The following PDCL3 variants were observed in gnomAD, a reference collection of about 807,000 sequenced individuals.
PDCL3 encodes phosducin-like protein 3.
Under a neutral mutation model 26.5 loss-of-function variants are expected in PDCL3, and 22 were observed. The observed-to-expected ratio is 0.83, with a 90% confidence interval of 0.59 to 1.19. The LOEUF is 1.19. PDCL3 is among the 50% of genes most tolerant of loss of function. The pLI, the probability that PDCL3 is intolerant of heterozygous loss-of-function variation, is 0.00. For synonymous variants in PDCL3, 81 were observed against 104.9 expected (o/e 0.77, Z 1.39); for missense variants, 246 against 294.1 (o/e 0.84, Z 1.20).
chr2:100,572,467 C>T (rs1675196604), intron 5 of PDCL3, among the ~76,000 whole-genome samples: 1 of 152,092 alleles, frequency 6.6e-6, no homozygotes. Flanking sequence ...CCACTTCAGC[C>T]TCCCAAAGTG....
chr2:100,566,640 T>C lies in PDCL3; in HGVS notation c.133+11T>C, dbSNP rs756506972. On this transcript the variant is annotated intron_variant, in intron 2 of 5. Coordinates refer to ENST00000264254, the MANE Select transcript of PDCL3 (RefSeq NM_024065.5). ...TCCAGCAGTCAGTGGGTGAGTTCACTCGCTTTCCTCTGCACCTGTCTGGGT... is the reference window on the plus strand; with the variant it reads ...TCCAGCAGTCAGTGGGTGAGTTCACCCGCTTTCCTCTGCACCTGTCTGGGT... The C allele has an allele frequency of 5.0e-5, 81 of 1,613,500 alleles. No homozygotes were observed. The highest frequency in any genetic ancestry group is 6.6e-5 in the Non-Finnish European group (78 of 1,179,754).
At chr2:100,568,568 G>A (rs113051388) in intron 2 of PDCL3, among the ~76,000 whole-genome samples, 2,331 of 152,256 alleles carry the variant, frequency 0.015, 50 homozygotes, top group African/African-American at 0.052. Flanking sequence ...GGAGGCGGAG[G>A]TTCTCAGTGA....
intron 2 of PDCL3, among the ~76,000 whole-genome samples, chr2:100,567,356 A>G (rs373642820): frequency 2.0e-5 from 3 of 152,306 alleles, no homozygotes; most frequent in African/African-American, 4.8e-5. Flanking sequence ...TTAGCTATGC[A>G]TAAGCCAGAG....
chr2:100,571,632 T>C lies in PDCL3; in HGVS notation c.411T>C (p.Leu137=). Residue 137 remains leucine, a synonymous_variant, in exon 5 of 6, where the codon CTT becomes CTC. Coordinates refer to ENST00000264254, the MANE Select transcript of PDCL3 (RefSeq NM_024065.5). ...CALINQHLSG[L]ARKFPDVKFI... is the part of the protein sequence containing the mutation. The stretch of plus-strand genomic sequence containing the variant: ...TGATAAATCAGCACCTCAGTGGACT[T>C]GCCAGGAAGTTTCCTGATGTCAAAT... 6.2e-7 allele frequency: 1 copy of C among 1,613,216 alleles called. No homozygotes were observed. The highest frequency in any genetic ancestry group is 1.1e-5 in the South Asian group (1 of 91,078).
rs1406596457 is a variant in PDCL3, at chr2:100,568,946, A to T, written c.149A>T (p.Asp50Val). The T allele has an allele frequency of 6.2e-7, 1 of 1,613,934 alleles. No individual in the cohort carries two copies. ...CCAAATTCAGTGAAAACATATGAAG[A>T]TATGACTTTGGAAGAGCTGGAGGAT... ...LQQSVVKTYE[D>V]MTLEELEDHE... Residue 50 changes from aspartate (D) to valine (V), a missense_variant, in exon 3 of 6, where the codon GAT (aspartate) becomes GTT (valine). By Grantham distance (152) the Asp-to-Val change is radical. Transcript: ENST00000264254.
At chr2:100,563,314 T>C (rs981495647) in intron 1 of PDCL3, 5 of 483,580 alleles carry the variant, frequency 1.0e-5, no homozygotes, top group Non-Finnish European at 1.4e-5. Flanking sequence ...CCTCCGGGAC[T>C]ATGTCTTCTC....
chr2:100,574,233 C>T (rs1001453536), intron 5 of PDCL3, among the ~76,000 whole-genome samples: 1 of 152,080 alleles, frequency 6.6e-6, no homozygotes, highest in East Asian at 1.9e-4. Flanking sequence ...AACTCCTGAC[C>T]TCAAGTGATA....
At position 100,563,219 on chromosome 2, in the gene PDCL3, C is replaced by T. The variant is rs1674985496; in HGVS notation, c.6+146C>T. The T allele has an allele frequency of 5.9e-6, 6 of 1,025,604 alleles. No individual in the cohort carries two copies. The Admixed American group carries it at 2.1e-4, about 36-fold the overall frequency. 63.5% of individuals were successfully genotyped at this position (1,025,604 alleles called of 1,614,324 possible). On this transcript the variant is annotated intron_variant, in intron 1 of 5. Coordinates refer to ENST00000264254, the MANE Select transcript of PDCL3 (RefSeq NM_024065.5). ...CCGGCGCGTCCAGGCCCTGCGCAGG[C>T]GCAGTGCGGGAGGCGGGCGTGGTCC...
At position 100,569,002 on chromosome 2, in the gene PDCL3, C is replaced by A. The variant is rs769740237; in HGVS notation, c.205C>A (p.Arg69Ser). 4.3e-6 allele frequency: 7 copies of A among 1,613,636 alleles called. No individual in the cohort carries two copies. In the South Asian group the frequency reaches 7.7e-5, roughly 18 times the overall value. The stretch of plus-strand genomic sequence containing the variant: ...AGACGAGTTTAATGAGGAGGATGAA[C>A]GTGCTATTGAAATGTACAGGTAAGC... ...HEDEFNEEDE[R>S]AIEMYRRRRL... Residue 69 changes from arginine to serine, a missense_variant, in exon 3 of 6, where the codon CGT becomes AGT. Arg to Ser is a moderately radical substitution (Grantham distance 110, BLOSUM62 -1). Transcript: ENST00000264254.
At chr2:100,567,914 C>G (rs1407391364) in intron 2 of PDCL3, among the ~76,000 whole-genome samples, 2 of 152,054 alleles carry the variant, frequency 1.3e-5, no homozygotes, top group Admixed American at 1.3e-4. Flanking sequence ...CCTCCGCCTC[C>G]CAGGTTCAAG....
intron 5 of PDCL3, 105 bp downstream of exon 5, chr2:100,571,903 C>T (rs959812157): frequency 2.5e-6 from 2 of 791,664 alleles, no homozygotes; most frequent in African/African-American, 2.9e-5. Flanking sequence ...GGGTCAAGTT[C>T]ACTTCTGCCT....
chr2:100,568,833 T>C lies in PDCL3; in HGVS notation c.134-98T>C, dbSNP rs544055225. The C allele has an allele frequency of 3.9e-5, 36 of 911,916 alleles. No individual in the cohort carries two copies. The East Asian group carries it at 8.5e-4, about 21-fold the overall frequency. 56.5% of individuals were successfully genotyped at this position (911,916 alleles called of 1,614,324 possible). On this transcript the variant is annotated intron_variant, in intron 2 of 5. Coordinates refer to ENST00000264254, the MANE Select transcript of PDCL3 (RefSeq NM_024065.5). ...TAGGTAGGCTAAGGATCTGGTGTTG[T>C]GTGCATATCTTTAGGAGAAAAGAGA... is the stretch of plus-strand genomic sequence containing the variant.
chr2:100,573,948 A>C (rs1675229035), intron 5 of PDCL3, among the ~76,000 whole-genome samples: 1 of 152,160 alleles, frequency 6.6e-6, no homozygotes, highest in African/African-American at 2.4e-5. Flanking sequence ...AGTAACATTA[A>C]ACACTTATGT....
intron 2 of PDCL3, 57 bp downstream of exon 2, chr2:100,566,686 C>A: frequency 6.3e-7 from 1 of 1,597,862 alleles, no homozygotes; most frequent in South Asian, 1.1e-5. Context: ...CTCCCTAAGC[C>A]TCTGACTGCC....
rs372532668 is a variant in PDCL3, at chr2:100,565,419, C to T, written c.7-1084C>T. Among the ~76,000 whole-genome samples, 626 of 151,580 alleles carry T rather than the reference C, an allele frequency of 4.1e-3. 6 individuals are homozygous for T. Among genetic ancestry groups the T allele is most frequent in the African/African-American group, 0.014 (586 of 41,266 alleles). On this transcript the variant is annotated intron_variant, in intron 1 of 5. Coordinates refer to ENST00000264254, the MANE Select transcript of PDCL3 (RefSeq NM_024065.5). ...CCTCCCGAGTAGCTGGGACTACAGGCGCCCGCCACCACGCCCGGCTAATTT... is the reference window on the plus strand; with the variant it reads ...CCTCCCGAGTAGCTGGGACTACAGGTGCCCGCCACCACGCCCGGCTAATTT...
In PDCL3 at chr2:100,563,032, G is replaced by C. The variant is rs775554606; in HGVS notation, c.-36G>C. On this transcript the variant is annotated 5_prime_UTR_variant, in exon 1 of 6. Transcript: ENST00000264254. The stretch of plus-strand genomic sequence containing the variant: ...GAGAGCTGAGGGGCGGGGGCGCTGC[G>C]GCACAGCTGGTTTGAGCAACTGAAC... 1 of 1,593,024 alleles carries C rather than the reference G, an allele frequency of 6.3e-7. No homozygotes were observed. Among genetic ancestry groups the C allele is most frequent in the Non-Finnish European group, 8.5e-7 (1 of 1,170,308 alleles).
rs1675177999 is a variant in PDCL3, at chr2:100,571,792, A to G, written c.571A>G (p.Arg191Gly). 2.5e-6 allele frequency: 4 copies of G among 1,613,990 alleles called. No homozygotes were observed. The highest frequency in any genetic ancestry group is 3.4e-6 in the Non-Finnish European group (4 of 1,180,024). ...PLVFGGMNLT[R>G]DELEWKLSES... is the part of the protein sequence containing the mutation. Reference sequence around the variant, plus strand: ...GGTGTTTGGCGGCATGAACCTGACAAGAGATGGTAAGGGCTCTGGGAGACA... The same window carrying G: ...GGTGTTTGGCGGCATGAACCTGACAGGAGATGGTAAGGGCTCTGGGAGACA... The change falls in exon 5 of 6, where the codon AGA (arginine) becomes GGA (glycine). Residue 191 changes from arginine (R) to glycine (G), a missense_variant. Physicochemically the swap from Arg to Gly is moderately radical, Grantham distance 125. Coordinates refer to ENST00000264254, the MANE Select transcript of PDCL3 (RefSeq NM_024065.5).
chr2:100,573,980 G>GAT (rs138137049), intron 5 of PDCL3, among the ~76,000 whole-genome samples: 7 of 151,648 alleles, frequency 4.6e-5, no homozygotes, highest in East Asian at 3.9e-4. Flanking sequence ...GATATATAAA[G>GAT]ATATATATAT....
At chr2:100,574,113 C>T (rs912160719) in intron 5 of PDCL3, among the ~76,000 whole-genome samples, 8 of 152,090 alleles carry the variant, frequency 5.3e-5, no homozygotes, top group African/African-American at 9.7e-5. Flanking sequence ...AAGCAATTCT[C>T]GTGCCTCAGC....
Sources: gnomAD v4.1 joint callset for allele counts (sites outside exome capture counted in the v4.1 genomes callset) on GRCh38, gnomAD v4.1.1 for gene constraint, MANE v1.5 for transcripts, NCBI Gene and HGNC (gene_info 2026-07-23, HGNC 2026-07-21) for gene names.